Variants in POLDIP3 observed in about 807,000 individuals in gnomAD.
POLDIP3 encodes DNA polymerase delta interacting protein 3, also known as polymerase delta-interacting protein 3.
In POLDIP3, 14 loss-of-function variants were observed where a neutral mutation model predicts 45.1. The ratio of observed to expected loss-of-function variants is 0.31; its 90% CI spans 0.20 to 0.49. POLDIP3 has a LOEUF of 0.49. Ranked by LOEUF, POLDIP3 falls within the 20% of genes least tolerant of loss-of-function variation. The pLI is 0.99. For missense variants in POLDIP3, 511 were observed against 538.8 expected (o/e 0.95, Z 0.51); for synonymous variants, 223 against 205.2 (o/e 1.09, Z -0.74).
At position 42,594,856 on chromosome 22, in the gene POLDIP3, G is replaced by T. The variant is rs540952066; in HGVS notation, c.891+681C>A. ...GAATCATCTTGTAATACCTCCAAAG[G>T]ACACAGGAAAACACAACTATTGGAT... On this transcript the variant is annotated intron_variant, in intron 6 of 8. Coordinates refer to ENST00000252115, the MANE Select transcript of POLDIP3 (RefSeq NM_032311.5). 9.9e-5 allele frequency among the ~76,000 whole-genome samples: 15 copies of T among 152,272 alleles called. No homozygotes were observed. In the East Asian group the frequency reaches 2.9e-3, roughly 29 times the overall value.
At chr22:42,606,504 A>G (rs1926737785) in intron 1 of POLDIP3, among the ~76,000 whole-genome samples, 1 of 152,204 alleles carries the variant, frequency 6.6e-6, no homozygotes, top group African/African-American at 2.4e-5. Context: ...GCATGGCAGC[A>G]TGAGTCTACT....
rs1249255218 is a variant in POLDIP3, at chr22:42,591,628, T to C, written c.1021+327A>G. Among the ~76,000 whole-genome samples, 3 of 152,242 alleles carry C rather than the reference T, an allele frequency of 2.0e-5. No homozygotes were observed. In the East Asian group the frequency reaches 5.8e-4, roughly 29 times the overall value. ...AAACTCCAGGGCTGGGAGGAACTTC[T>C]GCCCTAGCACTAAACAGATCAACAT... is the stretch of plus-strand genomic sequence containing the variant. On this transcript the variant is annotated intron_variant, in intron 7 of 8. Coordinates refer to ENST00000252115, the MANE Select transcript of POLDIP3 (RefSeq NM_032311.5).
At chr22:42,588,500 T>C (rs1925460761) in intron 7 of POLDIP3, among the ~76,000 whole-genome samples, 1 of 151,354 alleles carries the variant, frequency 6.6e-6, no homozygotes, top group Non-Finnish European at 1.5e-5. Flanking sequence ...TAAACCTAAT[T>C]ATCAATATTA....
intron 6 of POLDIP3, among the ~76,000 whole-genome samples, chr22:42,595,009 G>A (rs1253862911): frequency 1.3e-5 from 2 of 152,188 alleles, no homozygotes; most frequent in African/African-American, 4.8e-5. Flanking sequence ...CAGCTGGGCT[G>A]ACTGCTATTG....
chr22:42,594,379 C>T (rs1014530050), intron 6 of POLDIP3, among the ~76,000 whole-genome samples: 6 of 152,178 alleles, frequency 3.9e-5, no homozygotes, highest in Non-Finnish European at 8.8e-5. Flanking sequence ...GGCGTAGTGG[C>T]AGGCGCCTCT....
In POLDIP3 at chr22:42,585,566, G is replaced by A. The variant is rs1396985809; in HGVS notation, c.*225C>T. ...AAAAACACAAGCCTACCTTGGCGAT[G>A]AGATGAAGAAACATACTACAGGAAA... On this transcript the variant is annotated 3_prime_UTR_variant, in exon 9 of 9. Transcript: ENST00000252115. The A allele has an allele frequency of 1.8e-6, 1 of 543,800 alleles. No homozygotes were observed. The highest frequency in any genetic ancestry group is 1.9e-5 in the African/African-American group (1 of 52,252). 33.7% of individuals were successfully genotyped at this position (543,800 alleles called of 1,614,324 possible). A position where few individuals can be genotyped will look rare whatever the true frequency, so the allele number is the denominator to read the frequency against.
chr22:42,587,116 CAAAA>C (rs869195379), intron 8 of POLDIP3, among the ~76,000 whole-genome samples: 6 of 130,034 alleles, frequency 4.6e-5, no homozygotes, highest in African/African-American at 1.7e-4. Flanking sequence ...AACAAACAAA[CAAAA>C]AACCTCACTG....
chr22:42,613,795 G>A (rs971528264), intron 1 of POLDIP3, among the ~76,000 whole-genome samples: 4 of 152,146 alleles, frequency 2.6e-5, no homozygotes, highest in Non-Finnish European at 5.9e-5. Flanking sequence ...AACATCTGCT[G>A]AGAGAACAAA....
At position 42,602,901 on chromosome 22, in the gene POLDIP3, C is replaced by A; in HGVS notation, c.319G>T (p.Val107Leu). 1 of 1,614,086 alleles carries A rather than the reference C, an allele frequency of 6.2e-7. No homozygotes were observed. Among genetic ancestry groups the A allele is most frequent in the Non-Finnish European group, 8.5e-7 (1 of 1,180,002 alleles). ...GCAACCTGGCGGGGCTTCTGGGGCA[C>A]CGTGGTCTGCTGCTTGCGAGAGTTC... Reference protein sequence around the residue: ...MLNSRKQQTTVPQKPRQVADA... With the variant: ...MLNSRKQQTTLPQKPRQVADA... The change falls in exon 2 of 9, where the codon GTG becomes TTG. Residue 107 changes from valine to leucine, a missense_variant. Around this residue, in one of 4 missense-constraint regions of POLDIP3, gnomAD observed 378 missense variants for 352.3 expected, o/e 1.07. Coordinates refer to ENST00000252115, the MANE Select transcript of POLDIP3 (RefSeq NM_032311.5).
chr22:42,612,384 A>T (rs1380131934), intron 1 of POLDIP3, among the ~76,000 whole-genome samples: 1 of 152,244 alleles, frequency 6.6e-6, no homozygotes, highest in African/African-American at 2.4e-5. Flanking sequence ...GGAAAGTGGG[A>T]GAAGCAGGGA....
At chr22:42,603,561 C>G (rs1926536591) in intron 1 of POLDIP3, 1 of 185,408 alleles carries the variant, frequency 5.4e-6, no homozygotes, top group Non-Finnish European at 1.1e-5. Flanking sequence ...TCCATGTTCT[C>G]ACTCAGCCCT....
chr22:42,594,788 A>G (rs979650492), intron 6 of POLDIP3, among the ~76,000 whole-genome samples: 2 of 152,248 alleles, frequency 1.3e-5, no homozygotes, highest in African/African-American at 4.8e-5. Context: ...GGGATGGACC[A>G]GGAAGGTGGA....
chr22:42,587,661 T>A (rs1348852491), intron 7 of POLDIP3, 89 bp from the exon 8 acceptor site: 1 of 1,259,030 alleles, frequency 7.9e-7, no homozygotes, highest in Non-Finnish European at 1.2e-6. Context: ...TTATCAATGG[T>A]CAAAGCACCC....
rs775990651 is a variant in POLDIP3, at chr22:42,599,732, T to C, written c.599A>G (p.Lys200Arg). ...GIASVPTKQM[K>R]FAASGGFLHH... ...GAGAAAGCCGCCTGAGGCTGCAAACTTCATCTGTTTAGTAGGAACGGAAGC... is the reference window on the plus strand; with the variant it reads ...GAGAAAGCCGCCTGAGGCTGCAAACCTCATCTGTTTAGTAGGAACGGAAGC... The change falls in exon 4 of 9, where the codon AAG becomes AGG. Residue 200 changes from lysine to arginine, a missense_variant. Lys to Arg is a conservative substitution (Grantham distance 26). Coordinates refer to ENST00000252115, the MANE Select transcript of POLDIP3 (RefSeq NM_032311.5). The C allele has an allele frequency of 1.2e-6, 2 of 1,612,478 alleles. No homozygotes were observed. Among genetic ancestry groups the C allele is most frequent in the African/African-American group, 1.3e-5 (1 of 74,970 alleles).
Position 42,583,727 on chromosome 22 carries a change from T to A in POLDIP3, c.*2064A>T, listed in dbSNP as rs1224312137. 7.2e-6 allele frequency: 1 copy of A among 139,466 alleles called. No homozygotes were observed. The highest frequency in any genetic ancestry group is 1.6e-5 in the Non-Finnish European group (1 of 63,426). The allele number at this position is 139,466 out of a possible 1,614,324, so 8.6% of individuals were successfully genotyped here. ...AAAAAAGATAACTCAAAGGTAGGAATAACAAATGTTTATTCAGAAATGGAT... is the reference window on the plus strand; with the variant it reads ...AAAAAAGATAACTCAAAGGTAGGAAAAACAAATGTTTATTCAGAAATGGAT... On this transcript the variant is annotated 3_prime_UTR_variant, in exon 9 of 9. Coordinates refer to ENST00000252115, the MANE Select transcript of POLDIP3 (RefSeq NM_032311.5).
chr22:42,590,760 A>C lies in POLDIP3; in HGVS notation c.1021+1195T>G, dbSNP rs149750560. ...AACTCAGTATTTAAAAAGCAGACAA[A>C]GATTCTGTACAGGCATTTCTCCAAA... On this transcript the variant is annotated intron_variant, in intron 7 of 8. Coordinates refer to ENST00000252115, the MANE Select transcript of POLDIP3 (RefSeq NM_032311.5). Among the ~76,000 whole-genome samples, 409 of 152,352 alleles carry C rather than the reference A, an allele frequency of 2.7e-3. 4 individuals are homozygous for C. The highest frequency in any genetic ancestry group is 9.2e-3 in the African/African-American group (383 of 41,588).
At position 42,603,167 on chromosome 22, in the gene POLDIP3, A is replaced by T. The variant is rs761439832; in HGVS notation, c.60-7T>A. Reference sequence around the variant, plus strand: ...TCCCGGTCTGGCATTAAGCCTGTAAATATAAATTGCAATCAATATTAAGTG... The same window carrying T: ...TCCCGGTCTGGCATTAAGCCTGTAATTATAAATTGCAATCAATATTAAGTG... On this transcript the variant is annotated splice_region_variant and splice_polypyrimidine_tract_variant and intron_variant, in intron 1 of 8. Transcript: ENST00000252115. 1 of 1,612,278 alleles carries T rather than the reference A, an allele frequency of 6.2e-7. No individual in the cohort carries two copies. The highest frequency in any genetic ancestry group is 1.1e-5 in the South Asian group (1 of 91,018).
chr22:42,601,103 A>G (rs907335220), intron 3 of POLDIP3, among the ~76,000 whole-genome samples: 2 of 152,188 alleles, frequency 1.3e-5, no homozygotes, highest in Admixed American at 6.5e-5. Flanking sequence ...TCAAAAAAAA[A>G]GAAGCGTACA....
At chr22:42,589,242 CAAAAAA>C (rs548287361) in intron 7 of POLDIP3, among the ~76,000 whole-genome samples, 3 of 64,670 alleles carry the variant, frequency 4.6e-5, no homozygotes, top group African/African-American at 6.4e-5. Context: ...GACTCCGTCT[CAAAAAA>C]AAAAAAAAAA....
Sources: gnomAD v4.1 joint callset for allele counts (sites outside exome capture counted in the v4.1 genomes callset) on GRCh38, gnomAD v4.1.1 for gene constraint, gnomAD v4.1.1 regional missense constraint, MANE v1.5 for transcripts, NCBI Gene and HGNC (gene_info 2026-07-23, HGNC 2026-07-21) for gene names.